Variants in PACRG observed in about 807,000 individuals in gnomAD.
PACRG encodes the protein parkin coregulated.
In PACRG, 29 loss-of-function variants were observed where a neutral mutation model predicts 29.7. The observed-to-expected ratio is 0.98, with a 90% CI of 0.73 to 1.33. PACRG has a LOEUF of 1.33. Among genes scored for constraint, PACRG ranks in the 40% most tolerant of loss-of-function variants. The probability of loss-of-function intolerance (pLI) is 0.00; values close to 1 mark genes in which losing one functional copy is unlikely to be tolerated. For missense variants in PACRG, 279 were observed against 316.2 expected (o/e 0.88, Z 0.89); for synonymous variants, 116 against 118.7 (o/e 0.98, Z 0.15).
chr6:163,306,975 T>C (rs1322459900), intron 4 of PACRG, among the ~76,000 whole-genome samples: 3 of 152,222 alleles, frequency 2.0e-5, no homozygotes, highest in Admixed American at 2.0e-4. Flanking sequence ...GCTAGTGAGT[T>C]ATTGAATAGT....
At chr6:162,992,279 CT>C (rs1209436795) in intron 2 of PACRG, among the ~76,000 whole-genome samples, 2 of 92,294 alleles carry the variant, frequency 2.2e-5, no homozygotes, top group Non-Finnish European at 4.0e-5. Flanking sequence ...AGGATTCCCT[CT>C]TTTTCTATTG....
intron 2 of PACRG, among the ~76,000 whole-genome samples, chr6:162,880,306 G>T (rs1203517659): frequency 6.6e-6 from 1 of 152,200 alleles, no homozygotes; most frequent in Admixed American, 6.5e-5. Context: ...GGATGATGTT[G>T]CCAGGCCCCT....
At chr6:163,035,510 G>C (rs1041097212) in intron 2 of PACRG, among the ~76,000 whole-genome samples, 1 of 152,156 alleles carries the variant, frequency 6.6e-6, no homozygotes, top group East Asian at 1.9e-4. Flanking sequence ...AGCCAGGTAC[G>C]GTGGCAGGTG....
intron 2 of PACRG, among the ~76,000 whole-genome samples, chr6:163,058,491 G>A (rs573093677): frequency 1.3e-5 from 2 of 152,246 alleles, no homozygotes; most frequent in Admixed American, 1.3e-4. Context: ...AACTAATGAA[G>A]GCTGGCCGTG....
At chr6:163,161,056 T>C (rs965562910) in intron 4 of PACRG, among the ~76,000 whole-genome samples, 3 of 152,198 alleles carry the variant, frequency 2.0e-5, no homozygotes, top group Non-Finnish European at 4.4e-5. Flanking sequence ...TAGAAGTCCA[T>C]GCTCTCATCT....
At chr6:162,958,865 A>G (rs1168323763) in intron 2 of PACRG, among the ~76,000 whole-genome samples, 1 of 61,372 alleles carries the variant, frequency 1.6e-5, no homozygotes, top group African/African-American at 6.4e-5. Flanking sequence ...ATATATATAT[A>G]TATATATATA....
At chr6:163,232,633 G>C (rs1355590651) in intron 4 of PACRG, among the ~76,000 whole-genome samples, 1 of 152,140 alleles carries the variant, frequency 6.6e-6, no homozygotes, top group African/African-American at 2.4e-5. Context: ...AGGGTGTTCC[G>C]CTTCCCTAAG....
chr6:162,727,715 C>A, upstream of PACRG: 1 of 1,551,662 alleles, frequency 6.4e-7, no homozygotes, highest in Non-Finnish European at 8.7e-7. Flanking sequence ...GGCCCATGCG[C>A]GCAGCGGCGC....
intron 2 of PACRG, among the ~76,000 whole-genome samples, chr6:162,910,228 T>C (rs1360673097): frequency 9.9e-5 from 15 of 152,242 alleles, no homozygotes; most frequent in Admixed American, 9.8e-4. Context: ...AATGCTTAAA[T>C]AACTTCCTCA....
chr6:162,885,272 T>A (rs1239180316), intron 2 of PACRG, among the ~76,000 whole-genome samples: 2 of 151,888 alleles, frequency 1.3e-5, no homozygotes, highest in Non-Finnish European at 2.9e-5. Context: ...TTCTCTTTTT[T>A]TTTTAATTAT....
At chr6:163,270,893 G>T (rs903863680) in intron 4 of PACRG, among the ~76,000 whole-genome samples, 1 of 152,076 alleles carries the variant, frequency 6.6e-6, no homozygotes, top group African/African-American at 2.4e-5. Context: ...TATTAATCAG[G>T]GTTCTCTAGA....
intron 4 of PACRG, among the ~76,000 whole-genome samples, chr6:163,106,494 A>G (rs548135067): frequency 6.6e-6 from 1 of 152,318 alleles, no homozygotes; most frequent in East Asian, 1.9e-4. Context: ...TCTGAGTGGC[A>G]TTATTCTTGG....
chr6:162,950,926 G>A (rs549832977), intron 2 of PACRG, among the ~76,000 whole-genome samples: 25 of 152,220 alleles, frequency 1.6e-4, no homozygotes, highest in African/African-American at 5.8e-4. Flanking sequence ...CAAAGATTGG[G>A]GACTGCAGTA....
At chr6:163,177,055 C>T (rs1014266476) in intron 4 of PACRG, among the ~76,000 whole-genome samples, 7 of 152,096 alleles carry the variant, frequency 4.6e-5, no homozygotes, top group South Asian at 2.1e-4. Flanking sequence ...TTGCTGTATC[C>T]GGGACAAAGA....
At chr6:163,107,540 CAACAGCTT>C in intron 4 of PACRG, among the ~76,000 whole-genome samples, 1 of 152,168 alleles carries the variant, frequency 6.6e-6, no homozygotes, top group African/African-American at 2.4e-5. Context: ...TACTGTTTTG[CAACAGCTT>C]AACTAATACA....
intron 2 of PACRG, chr6:163,051,369 G>C (rs1809992717): frequency 6.6e-6 from 1 of 152,072 alleles, no homozygotes; most frequent in South Asian, 2.1e-4. Flanking sequence ...ATTAGGGGTT[G>C]CATTTTCTGT....
rs187805242 is a variant in PACRG, at chr6:163,121,374, T to G, written c.613+31966T>G. 4.6e-5 allele frequency among the ~76,000 whole-genome samples: 7 copies of G among 152,340 alleles called. No individual in the cohort carries two copies. In the East Asian group the frequency reaches 1.3e-3, roughly 29 times the overall value. ...TGCTAAATATTACAAATCCTTTTGC[T>G]TACAAATTAGTCTGTCACTTCTATT... On this transcript the variant is annotated intron_variant, in intron 4 of 4. Transcript: ENST00000366888.
intron 4 of PACRG, among the ~76,000 whole-genome samples, chr6:163,296,726 C>T (rs112227157): frequency 0.02 from 3,104 of 152,278 alleles, 36 homozygotes; most frequent in Non-Finnish European, 0.032. Flanking sequence ...ATGTGCAGCC[C>T]AGCCATTTAT....
intron 4 of PACRG, among the ~76,000 whole-genome samples, chr6:163,186,462 C>T (rs1285670448): frequency 1.3e-5 from 2 of 152,144 alleles, no homozygotes; most frequent in African/African-American, 2.4e-5. Flanking sequence ...ACTTGTCATT[C>T]TAAACTTGCC....
Sources: gnomAD v4.1 joint callset for allele counts (sites outside exome capture counted in the v4.1 genomes callset) on GRCh38, gnomAD v4.1.1 for gene constraint, MANE v1.5 for transcripts, NCBI Gene and HGNC (gene_info 2026-07-23, HGNC 2026-07-21) for gene names.